EIF2AK4: variants seen among roughly 807,000 people sequenced by gnomAD.
The protein encoded by EIF2AK4 is eukaryotic translation initiation factor 2 alpha kinase 4.
In EIF2AK4, 139 loss-of-function variants were observed where a neutral mutation model predicts 211.1. That is an observed-to-expected ratio of 0.66 (90% CI 0.57 to 0.76). EIF2AK4 has a LOEUF of 0.76. Ranked by LOEUF, EIF2AK4 falls within the 30% of genes least tolerant of loss-of-function variation. EIF2AK4 has a pLI of 0.00. For missense variants in EIF2AK4, 1,664 were observed against 2,043.8 expected, an observed-to-expected ratio of 0.81 and a Z score of 3.58; for synonymous variants, 710 against 751.3, an observed-to-expected ratio of 0.94 and a Z score of 0.90.
At chr15:39,977,426 C>CA (rs1435694511) in intron 12 of EIF2AK4, 1 of 152,326 alleles carries the variant, frequency 6.6e-6, no homozygotes, top group African/African-American at 2.4e-5. Context: ...GCTGATCTGA[C>CA]AGGAGGTGGA....
At chr15:39,983,163 T>A (rs7496588) in intron 13 of EIF2AK4, among the ~76,000 whole-genome samples, 24,359 of 152,184 alleles carry the variant, frequency 0.16, 2,254 homozygotes, top group South Asian at 0.37. Flanking sequence ...CTCCCACCAG[T>A]AGTGTGAAAG....
chr15:40,010,623 G>A (rs560038014), intron 26 of EIF2AK4, among the ~76,000 whole-genome samples: 4 of 21,822 alleles, frequency 1.8e-4, no homozygotes, highest in African/African-American at 5.3e-4. Flanking sequence ...AGAACTAACA[G>A]CACCAGAAGT....
chr15:40,027,429 A>G (rs910095695), intron 33 of EIF2AK4, among the ~76,000 whole-genome samples: 12 of 152,236 alleles, frequency 7.9e-5, no homozygotes, highest in Admixed American at 7.2e-4. Flanking sequence ...GACCTTCAAG[A>G]TTCTCTAGAC....
intron 21 of EIF2AK4, among the ~76,000 whole-genome samples, chr15:40,001,552 C>T (rs1595421155): frequency 6.6e-6 from 1 of 150,674 alleles, no homozygotes; most frequent in East Asian, 2.0e-4. Context: ...ATCGCTTGAG[C>T]CTGGGAGGCA....
intron 5 of EIF2AK4, among the ~76,000 whole-genome samples, chr15:39,954,651 A>G (rs1039805730): frequency 6.6e-6 from 1 of 152,272 alleles, no homozygotes; most frequent in Non-Finnish European, 1.5e-5. Flanking sequence ...AGTGATGAAA[A>G]AGAGTAATTC....
Position 39,967,594 on chromosome 15 carries a change from A to C in EIF2AK4, c.1268A>C (p.His423Pro), listed in dbSNP as rs2034562380. 1 of 1,613,990 alleles carries C rather than the reference A, an allele frequency of 6.2e-7. No individual in the cohort carries two copies. The highest frequency in any genetic ancestry group is 8.5e-7 in the Non-Finnish European group (1 of 1,180,006). ...LDYLHSNSVV[H>P]KVLSASNVLV... Reference sequence around the variant, plus strand: ...TATCTGCACAGCAATTCTGTGGTGCATAAGGTCCTGAGTGCATCTAATGTC... The same window carrying C: ...TATCTGCACAGCAATTCTGTGGTGCCTAAGGTCCTGAGTGCATCTAATGTC... The change falls in exon 9 of 39, where the codon CAT becomes CCT. Residue 423 changes from histidine (H) to proline (P), a missense_variant. Transcript: ENST00000263791.
chr15:39,949,296 G>A (rs2034272233), intron 4 of EIF2AK4, 28 bp downstream of exon 4: 8 of 1,610,372 alleles, frequency 5.0e-6, no homozygotes, highest in African/African-American at 1.3e-5. Context: ...ATGTCTGTGT[G>A]CATGGCCAGC....
intron 22 of EIF2AK4, 111 bp downstream of exon 22, chr15:40,002,899 A>T: frequency 2.4e-6 from 3 of 1,236,664 alleles, no homozygotes; most frequent in Non-Finnish European, 2.3e-6. Context: ...ATTCAGTTAT[A>T]AATAATTGAC....
intron 25 of EIF2AK4, 110 bp downstream of exon 25, chr15:40,008,305 A>G (rs2035189175): frequency 2.0e-6 from 2 of 989,766 alleles, no homozygotes; most frequent in Non-Finnish European, 2.9e-6. Context: ...CTGCAGATGA[A>G]TCACATCTTT....
chr15:39,989,901 C>A (rs181667329), intron 15 of EIF2AK4, among the ~76,000 whole-genome samples: 1 of 151,962 alleles, frequency 6.6e-6, no homozygotes, highest in African/African-American at 2.4e-5. Context: ...GAGTATCCTA[C>A]GAAGGGGAGA....
At chr15:39,962,426 A>G (rs957726835) in intron 7 of EIF2AK4, among the ~76,000 whole-genome samples, 4 of 152,212 alleles carry the variant, frequency 2.6e-5, no homozygotes, top group African/African-American at 9.7e-5. Flanking sequence ...ATGCTGATCA[A>G]ATGTATGTAA....
chr15:39,936,157 A>C (rs919778525), intron 1 of EIF2AK4, among the ~76,000 whole-genome samples: 5 of 152,236 alleles, frequency 3.3e-5, no homozygotes, highest in Non-Finnish European at 7.3e-5. Flanking sequence ...GATAACCTCA[A>C]GAATTTATAG....
intron 7 of EIF2AK4, 54 bp from the exon 8 acceptor site, chr15:39,965,632 C>T (rs2034533532): frequency 1.3e-6 from 2 of 1,598,186 alleles, no homozygotes; most frequent in Non-Finnish European, 1.7e-6. Context: ...CCTTCCTTCC[C>T]CCAAGAGAAA....
In EIF2AK4 at chr15:39,976,522, C is replaced by T; in HGVS notation, c.1927C>T (p.Leu643=). ...GGGCGAAGTGACACTGCTGTCACGGCTGCACCATGAGAACATTGTGCGCTA... is the reference window on the plus strand; with the variant it reads ...GGGCGAAGTGACACTGCTGTCACGGTTGCACCATGAGAACATTGTGCGCTA... ...IKGEVTLLSR[L]HHENIVRYYN... Residue 643 remains leucine (L), a synonymous_variant, in exon 12 of 39, where the codon CTG becomes TTG. Transcript: ENST00000263791. 6.2e-7 allele frequency: 1 copy of T among 1,612,908 alleles called. No homozygotes were observed. Among genetic ancestry groups the T allele is most frequent in the Non-Finnish European group, 8.5e-7 (1 of 1,179,870 alleles).
intron 23 of EIF2AK4, among the ~76,000 whole-genome samples, chr15:40,004,418 T>C (rs2035132794): frequency 1.3e-5 from 2 of 152,200 alleles, no homozygotes; most frequent in Non-Finnish European, 2.9e-5. Context: ...TAAGGAGCTA[T>C]TGAAAAGAAC....
chr15:39,984,489 G>A (rs774713599), intron 13 of EIF2AK4, among the ~76,000 whole-genome samples: 1 of 152,146 alleles, frequency 6.6e-6, no homozygotes, highest in Non-Finnish European at 1.5e-5. Context: ...CATGAGCATG[G>A]AATGTTTTTC....
At chr15:39,977,482 AGGCAGTGGACCT>A (rs55845012) in intron 12 of EIF2AK4, 86,064 of 151,768 alleles carry the variant, frequency 0.57, 24,602 homozygotes, top group Non-Finnish European at 0.61. Flanking sequence ...CGGCCCTAAC[AGGCAGTGGACCT>A]GTACCTGTCC....
chr15:39,981,242 C>T (rs2034779260), intron 13 of EIF2AK4, among the ~76,000 whole-genome samples: 1 of 151,918 alleles, frequency 6.6e-6, no homozygotes, highest in Admixed American at 6.6e-5. Context: ...TGGTGGCGGG[C>T]ACCTGTAATC....
chr15:40,007,508 G>C (rs2035177454), intron 24 of EIF2AK4, among the ~76,000 whole-genome samples: 1 of 152,160 alleles, frequency 6.6e-6, no homozygotes, highest in Non-Finnish European at 1.5e-5. Context: ...AACCCAGCAG[G>C]AACGCTGAGC....
Sources: allele counts gnomAD v4.1 joint callset (sites outside exome capture counted in the v4.1 genomes callset), GRCh38; gene constraint gnomAD v4.1.1; transcripts MANE v1.5; gene names NCBI Gene and HGNC (gene_info 2026-07-23, HGNC 2026-07-21).